RBFOX2: variants seen among roughly 807,000 people sequenced by gnomAD.
RBFOX2 encodes the protein RNA binding fox-1 homolog 2.
Under a neutral mutation model 49.1 loss-of-function variants are expected in RBFOX2, and 10 were observed. The observed-to-expected ratio is 0.20, with a 90% CI of 0.13 to 0.35. The LOEUF (loss-of-function observed/expected upper bound fraction) is 0.35, where lower values mean the gene tolerates loss of function less well. Ranked by LOEUF, RBFOX2 falls within the 10% of genes least tolerant of loss-of-function variation. The probability of loss-of-function intolerance (pLI) is 1.00; values close to 1 mark genes in which losing one functional copy is unlikely to be tolerated. For synonymous variants in RBFOX2, 183 were observed against 187.4 expected (o/e 0.98, Z 0.19); for missense variants, 323 against 486.9 (o/e 0.66, Z 3.17).
intron 6 of RBFOX2, among the ~76,000 whole-genome samples, chr22:35,764,680 A>G (rs1940357279): frequency 6.6e-6 from 1 of 152,052 alleles, no homozygotes; most frequent in Non-Finnish European, 1.5e-5. Flanking sequence ...AGACTAAAGT[A>G]CAGCTGAGAC....
At chr22:35,982,617 T>A (rs1016861606) in intron 1 of RBFOX2, among the ~76,000 whole-genome samples, 1 of 152,056 alleles carries the variant, frequency 6.6e-6, no homozygotes, top group African/African-American at 2.4e-5. Context: ...AAGGAAATGG[T>A]TGGACGGTAA....
At chr22:35,982,559 G>T (rs762159426) in intron 1 of RBFOX2, among the ~76,000 whole-genome samples, 1 of 152,088 alleles carries the variant, frequency 6.6e-6, no homozygotes, top group Non-Finnish European at 1.5e-5. Flanking sequence ...AACATTTGCT[G>T]GGGTGATTAC....
intron 1 of RBFOX2, among the ~76,000 whole-genome samples, chr22:35,936,347 G>A (rs760180036): frequency 2.6e-5 from 4 of 151,610 alleles, no homozygotes; most frequent in African/African-American, 9.7e-5. Flanking sequence ...CTGAGGAGAC[G>A]TAAAGATCAC....
In RBFOX2 at chr22:36,018,707, G is replaced by A. The variant is rs111759602; in HGVS notation, c.186+9533C>T. On this transcript the variant is annotated intron_variant, in intron 1 of 13. Transcript: ENST00000438146. ...CTCCTCATTGCAACCTCCACCTCCT[G>A]GGTTCAAACAATTCTCCTGCCTCAG... Among the ~76,000 whole-genome samples the A allele has an allele frequency of 2.3e-3, 344 of 152,298 alleles. 1 individual carries two copies. Among genetic ancestry groups the A allele is most frequent in the African/African-American group, 8.1e-3 (337 of 41,560 alleles).
At chr22:35,768,130 G>T in intron 5 of RBFOX2, 127 bp downstream of exon 6, 1 of 951,778 alleles carries the variant, frequency 1.1e-6, no homozygotes, top group Non-Finnish European at 1.6e-6. Flanking sequence ...AGAAGACAGA[G>T]ATACAAACAC....
At chr22:35,880,843 G>T (rs547543437) in intron 1 of RBFOX2, among the ~76,000 whole-genome samples, 98 of 152,064 alleles carry the variant, frequency 6.4e-4, no homozygotes, top group Admixed American at 3.7e-3. Context: ...AGGGAGGGAG[G>T]GAAGGAAGAA....
In RBFOX2 at chr22:35,914,974, A is replaced by G. The variant is rs1232112486; in HGVS notation, c.-34+23873T>C. ...ACAGTTTAATATTTCTCTAGCACAA[A>G]ATTAGTACCCAGTGCTCGTGTGCTC... is the stretch of plus-strand genomic sequence containing the variant. On this transcript the variant is annotated intron_variant, in intron 1 of 13. Coordinates refer to the RBFOX2 transcript ENST00000359369. 4.6e-5 allele frequency among the ~76,000 whole-genome samples: 7 copies of G among 152,154 alleles called. No individual in the cohort carries two copies. In the East Asian group the frequency reaches 1.3e-3, roughly 29 times the overall value.
At chr22:35,940,361 A>C (rs1872147933), upstream of RBFOX2, among the ~76,000 whole-genome samples, 1 of 152,358 alleles carries the variant, frequency 6.6e-6, no homozygotes, top group African/African-American at 2.4e-5. Context: ...GCTCAACATC[A>C]TAAGTCATTA....
intron 1 of RBFOX2, among the ~76,000 whole-genome samples, chr22:35,837,740 T>C (rs949786619): frequency 6.6e-6 from 1 of 152,234 alleles, no homozygotes; most frequent in African/African-American, 2.4e-5. Flanking sequence ...GGGCAAAAAC[T>C]CATAACTTTT....
chr22:35,892,032 A>T (rs2149377573), intron 1 of RBFOX2, among the ~76,000 whole-genome samples: 1 of 152,320 alleles, frequency 6.6e-6, no homozygotes, highest in South Asian at 2.1e-4. Context: ...CCTCAACGTG[A>T]TACAGAAAAC....
At chr22:35,766,577 C>T (rs987375382) in intron 5 of RBFOX2, among the ~76,000 whole-genome samples, 2 of 152,044 alleles carry the variant, frequency 1.3e-5, no homozygotes, top group African/African-American at 4.8e-5. Flanking sequence ...ACTCTAGCTT[C>T]GCCCACCAAA....
At chr22:35,744,060 A>C (rs1931253690) in exon 12 of RBFOX2, 8 of 654,064 alleles carry the variant, frequency 1.2e-5, no homozygotes, top group Admixed American at 4.3e-5. Flanking sequence ...ATAAAAAAGT[A>C]TTCTTTCTTT....
intron 1 of RBFOX2, among the ~76,000 whole-genome samples, chr22:35,891,944 A>G (rs1455453710): frequency 6.6e-6 from 1 of 152,200 alleles, no homozygotes; most frequent in African/African-American, 2.4e-5. Context: ...TACTTAACAT[A>G]CAAACTAAGA....
Position 35,898,326 on chromosome 22 carries a change from CG to C in RBFOX2, c.-34+40520del, listed in dbSNP as rs1431452891. Reference sequence around the variant, plus strand: ...TGGCAATGGAGTGGGCTGTGACACACGGATGTGGCTATTGCAGTAATGGCAG... The same window carrying C: ...TGGCAATGGAGTGGGCTGTGACACACGATGTGGCTATTGCAGTAATGGCAG... On this transcript the variant is annotated intron_variant, in intron 1 of 13. Coordinates refer to the RBFOX2 transcript ENST00000359369. 1.5e-5 allele frequency: 11 copies of C among 711,240 alleles called. No individual in the cohort carries two copies. The Admixed American group carries it at 2.0e-4, about 13-fold the overall frequency. The allele number at this position is 711,240 out of a possible 1,614,324, so 44.1% of individuals were successfully genotyped here. A position where few individuals can be genotyped will look rare whatever the true frequency, so the allele number is the denominator to read the frequency against.
chr22:35,955,433 A>G (rs1172780909), intron 1 of RBFOX2, among the ~76,000 whole-genome samples: 1 of 152,076 alleles, frequency 6.6e-6, no homozygotes, highest in Non-Finnish European at 1.5e-5. Flanking sequence ...CAGTGAGAAG[A>G]GTATCATTAT....
intron 8 of RBFOX2, 156 bp from the exon 10 acceptor site, chr22:35,760,176 T>TGGGTCTCTCAGTG (rs1938277508): frequency 1.1e-6 from 1 of 927,958 alleles, no homozygotes; most frequent in African/African-American, 1.7e-5. Context: ...CGTTCTACCC[T>TGGGTCTCTCAGTG]GGGTCTCTCA....
chr22:35,983,762 T>C (rs1330876649), intron 1 of RBFOX2, among the ~76,000 whole-genome samples: 2 of 152,168 alleles, frequency 1.3e-5, no homozygotes, highest in East Asian at 1.9e-4. Context: ...CACAACTAAT[T>C]AGTGGGAATC....
intron 1 of RBFOX2, among the ~76,000 whole-genome samples, chr22:35,908,839 C>T (rs148706689): frequency 2.6e-5 from 4 of 151,164 alleles, no homozygotes; most frequent in African/African-American, 4.9e-5. Flanking sequence ...TCCAATTTCT[C>T]ATCTATTTTT....
chr22:35,750,558 A>G, intron 9 of RBFOX2: 1 of 775,254 alleles, frequency 1.3e-6, no homozygotes, highest in South Asian at 1.6e-5. Context: ...GAACTCTGAT[A>G]GCTGGATAAA....
Sources: allele counts gnomAD v4.1 joint callset (sites outside exome capture counted in the v4.1 genomes callset), GRCh38; gene constraint gnomAD v4.1.1; transcripts MANE v1.5; gene names NCBI Gene and HGNC (gene_info 2026-07-23, HGNC 2026-07-21).